Variants in MAP3K13 observed in about 807,000 individuals in gnomAD.
MAP3K13 encodes mitogen-activated protein kinase kinase kinase 13, also known as leucine zipper-bearing kinase.
A neutral mutation model predicts 104.0 loss-of-function variants in MAP3K13; 52 were observed. That is an observed-to-expected ratio of 0.50 (90% CI 0.40 to 0.63). MAP3K13 has a LOEUF of 0.63. MAP3K13 is among the 20% of genes least tolerant of loss of function. MAP3K13 has a pLI of 0.00. For synonymous variants in MAP3K13, 394 were observed against 442.2 expected (o/e 0.89, Z 1.37); for missense variants, 914 against 1,218.5 (o/e 0.75, Z 3.72).
At chr3:185,357,300 T>C (rs972297998) in intron 2 of MAP3K13, among the ~76,000 whole-genome samples, 1 of 151,542 alleles carries the variant, frequency 6.6e-6, no homozygotes, top group African/African-American at 2.4e-5. Flanking sequence ...CAAAAAAAAT[T>C]AGCTGCATGT....
intron 2 of MAP3K13, among the ~76,000 whole-genome samples, chr3:185,354,329 T>C (rs2108734144): frequency 6.7e-6 from 1 of 150,140 alleles, no homozygotes; most frequent in African/African-American, 2.4e-5. Context: ...ACCTGTAGGC[T>C]TCAAACCGGG....
At chr3:185,341,401 A>G (rs1205139040) in intron 2 of MAP3K13, among the ~76,000 whole-genome samples, 3 of 152,158 alleles carry the variant, frequency 2.0e-5, no homozygotes, top group Non-Finnish European at 2.9e-5. Flanking sequence ...TTTTTCCCAA[A>G]GCCTTCAGCA....
At chr3:185,353,984 T>C (rs569686168) in intron 2 of MAP3K13, among the ~76,000 whole-genome samples, 1 of 152,192 alleles carries the variant, frequency 6.6e-6, no homozygotes, top group South Asian at 2.1e-4. Flanking sequence ...AGACTGGGAC[T>C]AGTAGAGCAA....
At chr3:185,455,442 T>C (rs1577587992) in intron 7 of MAP3K13, among the ~76,000 whole-genome samples, 1 of 115,216 alleles carries the variant, frequency 8.7e-6, no homozygotes, top group Non-Finnish European at 1.7e-5. Flanking sequence ...GAGATATATA[T>C]ATGAGATATA....
At chr3:185,374,414 TTTTG>T (rs1724321366) in intron 1 of MAP3K13, among the ~76,000 whole-genome samples, 1 of 151,756 alleles carries the variant, frequency 6.6e-6, no homozygotes. Context: ...TGAAGGAAGA[TTTTG>T]TGGTAAGGGG....
intron 2 of MAP3K13, among the ~76,000 whole-genome samples, chr3:185,324,298 G>A (rs1302881338): frequency 2.0e-5 from 3 of 152,162 alleles, no homozygotes; most frequent in African/African-American, 7.2e-5. Context: ...GATTACAGGC[G>A]TGAGCCACCG....
intron 1 of MAP3K13, among the ~76,000 whole-genome samples, chr3:185,390,004 CA>C (rs1711947230): frequency 6.6e-6 from 1 of 152,140 alleles, no homozygotes; most frequent in Non-Finnish European, 1.5e-5. Flanking sequence ...CTTCTGCTTT[CA>C]ATCTGTTGTG....
At chr3:185,465,906 G>T (rs754111915) in intron 9 of MAP3K13, 43 bp downstream of exon 9, 4 of 1,378,628 alleles carry the variant, frequency 2.9e-6, no homozygotes, top group Non-Finnish European at 4.1e-6. Flanking sequence ...ATTTGAGTCT[G>T]TCAATCAGCA....
At chr3:185,283,790 C>A in intron 1 of MAP3K13, among the ~76,000 whole-genome samples, 1 of 152,054 alleles carries the variant, frequency 6.6e-6, no homozygotes, top group East Asian at 1.9e-4. Flanking sequence ...GGAAATGATA[C>A]CAGGGAGGAG....
Position 185,482,645 on chromosome 3 carries a change from C to A in MAP3K13, c.*189C>A. 1.9e-6 allele frequency: 1 copy of A among 534,464 alleles called. No individual in the cohort carries two copies. The highest frequency in any genetic ancestry group is 3.3e-6 in the Non-Finnish European group (1 of 300,268). 33.1% of individuals were successfully genotyped at this position (534,464 alleles called of 1,614,324 possible). ...TCGCAAATCTCTGGAAAATAATATC[C>A]AAATGAAATTAAGTCTCACTGAACA... On this transcript the variant is annotated 3_prime_UTR_variant, in exon 14 of 14. Coordinates refer to ENST00000265026, the MANE Select transcript of MAP3K13 (RefSeq NM_004721.5). This position sits in a 1 kb window ranked among gnomAD's most constrained non-coding sequence, Gnocchi z 4.5.
In MAP3K13 at chr3:185,321,107, CAT is replaced by C. The variant is rs369228876; in HGVS notation, c.-86+35467_-86+35468del. Among the ~76,000 whole-genome samples the C allele has an allele frequency of 4.9e-3, 737 of 151,198 alleles. 6 individuals carry two copies. The highest frequency in any genetic ancestry group is 0.014 in the African/African-American group (583 of 41,170). On this transcript the variant is annotated intron_variant, in intron 2 of 14. Coordinates refer to the MAP3K13 transcript ENST00000424227. ...ACACATATACACATGCGTGCACACA[CAT>C]ATGCGTGCACACACATATACACATG... is the stretch of plus-strand genomic sequence containing the variant.
At chr3:185,479,103 C>T (rs552805539) in intron 12 of MAP3K13, among the ~76,000 whole-genome samples, 1 of 152,052 alleles carries the variant, frequency 6.6e-6, no homozygotes, top group African/African-American at 2.4e-5. Context: ...TCATCAGAGC[C>T]AAACTCAGAT....
At chr3:185,408,030 C>T (rs1388450806) in intron 1 of MAP3K13, among the ~76,000 whole-genome samples, 1 of 150,808 alleles carries the variant, frequency 6.6e-6, no homozygotes, top group East Asian at 1.9e-4. Flanking sequence ...GTGTGAGCCA[C>T]TTTTTTTTTC....
chr3:185,417,548 T>G, intron 1 of MAP3K13: 1 of 1,611,456 alleles, frequency 6.2e-7, no homozygotes. Flanking sequence ...GCAGGCTTCT[T>G]TTCAGGGGCT....
At position 185,426,811 on chromosome 3, in the gene MAP3K13, G is replaced by A. The variant is rs114334129; in HGVS notation, c.-85-1686G>A. 2.4e-3 allele frequency among the ~76,000 whole-genome samples: 368 copies of A among 151,882 alleles called. 1 individual carries two copies. The highest frequency in any genetic ancestry group is 8.7e-3 in the African/African-American group (360 of 41,358). On this transcript the variant is annotated intron_variant, in intron 1 of 13. Coordinates refer to ENST00000265026, the MANE Select transcript of MAP3K13 (RefSeq NM_004721.5). ...TGAATGCCTACACTTCCTTCAAATG[G>A]ATCAAAAGTTACCACCTTTGAGCAC...
chr3:185,381,296 T>C (rs1472464178), intron 1 of MAP3K13, among the ~76,000 whole-genome samples: 1 of 152,204 alleles, frequency 6.6e-6, no homozygotes, highest in African/African-American at 2.4e-5. Flanking sequence ...GTATTGATCA[T>C]AGCATTTATT....
rs144303016 is a variant in MAP3K13 at position 185,381,658 on chromosome 3, G to A, written c.-86+18290G>A. On this transcript the variant is annotated intron_variant, in intron 1 of 13. Coordinates refer to ENST00000265026, the MANE Select transcript of MAP3K13 (RefSeq NM_004721.5). ...CTGTTTAAAATGGTGCCAAAGCATA[G>A]TGTTGAAATGCTGTCTAGTGTTCCT... is the stretch of plus-strand genomic sequence containing the variant. Among the ~76,000 whole-genome samples, 3 of 152,336 alleles carry A rather than the reference G, an allele frequency of 2.0e-5. No individual in the cohort carries two copies. In the East Asian group the frequency reaches 5.8e-4, roughly 29 times the overall value.
At chr3:185,472,117 ATGAG>A (rs895468298) in intron 10 of MAP3K13, among the ~76,000 whole-genome samples, 1 of 151,630 alleles carries the variant, frequency 6.6e-6, no homozygotes, top group African/African-American at 2.4e-5. Context: ...CAATTAGGGC[ATGAG>A]TAAGATGAAT....
At chr3:185,287,194 G>A (rs182455411) in intron 2 of MAP3K13, among the ~76,000 whole-genome samples, 2 of 152,132 alleles carry the variant, frequency 1.3e-5, no homozygotes, top group African/African-American at 2.4e-5. Context: ...AGGTGATACC[G>A]TGGGTGTTAC....
Sources: allele counts gnomAD v4.1 joint callset (sites outside exome capture counted in the v4.1 genomes callset), GRCh38; gene constraint gnomAD v4.1.1; non-coding constraint Gnocchi (gnomAD v3.1); transcripts MANE v1.5; gene names NCBI Gene and HGNC (gene_info 2026-07-23, HGNC 2026-07-21).